STXBP4: variants seen among roughly 807,000 people sequenced by gnomAD.
The protein encoded by STXBP4 is syntaxin binding protein 4.
STXBP4 carries 55 observed loss-of-function variants against 76.1 expected under a neutral mutation model. The observed-to-expected ratio is 0.72, with a 90% confidence interval of 0.58 to 0.91. The LOEUF is 0.91. Among genes scored for constraint, STXBP4 ranks in the 40% least tolerant of loss-of-function variants. The pLI is 0.00. For synonymous variants in STXBP4, 201 were observed against 220.2 expected, an observed-to-expected ratio of 0.91 and a Z score of 0.77; for missense variants, 618 against 636.9, an observed-to-expected ratio of 0.97 and a Z score of 0.32.
At chr17:55,030,108 G>A (rs1020263178) in intron 8 of STXBP4, among the ~76,000 whole-genome samples, 1 of 152,024 alleles carries the variant, frequency 6.6e-6, no homozygotes, top group African/African-American at 2.4e-5. Flanking sequence ...TATAACTGGC[G>A]AACTCAAAAT....
intron 3 of STXBP4, among the ~76,000 whole-genome samples, chr17:54,988,778 G>GA (rs1390863692): frequency 2.6e-5 from 4 of 151,550 alleles, no homozygotes; most frequent in South Asian, 2.1e-4. Flanking sequence ...CTCAAAAAAA[G>GA]AAAAAAAAGA....
intron 1 of STXBP4, among the ~76,000 whole-genome samples, chr17:54,982,474 C>T (rs1356821638): frequency 6.6e-6 from 1 of 151,978 alleles, no homozygotes; most frequent in Admixed American, 6.6e-5. Flanking sequence ...ACCTGTTTGC[C>T]TCTTATGATT....
intron 17 of STXBP4, among the ~76,000 whole-genome samples, chr17:55,153,896 C>G (rs917412636): frequency 1.3e-5 from 2 of 152,040 alleles, no homozygotes; most frequent in Non-Finnish European, 2.9e-5. Context: ...TACTTATTTT[C>G]TGTATTTTAG....
intron 16 of STXBP4, among the ~76,000 whole-genome samples, chr17:55,139,134 AC>A (rs1195164633): frequency 6.6e-6 from 1 of 152,136 alleles, no homozygotes; most frequent in African/African-American, 2.4e-5. Flanking sequence ...GTGAATTAGT[AC>A]CTTTATAAGT....
At chr17:55,018,000 A>C (rs1380536842) in intron 8 of STXBP4, among the ~76,000 whole-genome samples, 1 of 152,094 alleles carries the variant, frequency 6.6e-6, no homozygotes, top group African/African-American at 2.4e-5. Context: ...CCAAAATGTT[A>C]CTGGGGGTCC....
At chr17:55,116,565 A>G (rs1376757769) in intron 16 of STXBP4, among the ~76,000 whole-genome samples, 1 of 151,852 alleles carries the variant, frequency 6.6e-6, no homozygotes, top group Non-Finnish European at 1.5e-5. Context: ...CTTTCTGTCT[A>G]GTGGTTACCC....
chr17:55,173,424 T>G lies in STXBP4; in HGVS notation c.*13513T>G, dbSNP rs1213889919. 1.3e-5 allele frequency: 2 copies of G among 152,254 alleles called. No individual in the cohort carries two copies. Among genetic ancestry groups the G allele is most frequent in the African/African-American group, 4.8e-5 (2 of 41,468 alleles). 9.4% of individuals were successfully genotyped at this position (152,254 alleles called of 1,614,324 possible). On this transcript the variant is annotated 3_prime_UTR_variant, in exon 18 of 18. Transcript: ENST00000376352. ...ATATCATATAAATAATCATGTATTA[T>G]GTAACATTCTGAGACAGGCTTCTTT...
In STXBP4 at chr17:55,164,147, T is replaced by C. The variant is rs557814436; in HGVS notation, c.*4236T>C. 1.3e-4 allele frequency: 20 copies of C among 152,356 alleles called. 1 individual carries two copies. The South Asian group carries it at 4.1e-3, about 32-fold the overall frequency. 9.4% of individuals were successfully genotyped at this position (152,356 alleles called of 1,614,324 possible). A position where few individuals can be genotyped will look rare whatever the true frequency, so the allele number is the denominator to read the frequency against. Reference sequence around the variant, plus strand: ...CTTAAACAGAATGTGCCTGTGGAGCTTCGCTTTAGAAATGAAATACCCAAG... The same window carrying C: ...CTTAAACAGAATGTGCCTGTGGAGCCTCGCTTTAGAAATGAAATACCCAAG... On this transcript the variant is annotated 3_prime_UTR_variant, in exon 18 of 18. Coordinates refer to ENST00000376352, the MANE Select transcript of STXBP4 (RefSeq NM_178509.6).
intron 4 of STXBP4, among the ~76,000 whole-genome samples, chr17:54,995,134 C>G (rs1389574067): frequency 6.6e-6 from 1 of 152,208 alleles, no homozygotes; most frequent in Non-Finnish European, 1.5e-5. Context: ...TTAGTCCCCA[C>G]TGTGGTGCCT....
intron 16 of STXBP4, among the ~76,000 whole-genome samples, chr17:55,121,889 TTTTACGCCCCCAAG>T (rs1320687083): frequency 2.6e-5 from 4 of 152,176 alleles, no homozygotes; most frequent in Admixed American, 6.6e-5. Context: ...ACTGGGGGCT[TTTTACGCCCCCAAG>T]ACGAAATGTG....
rs1015797496 is a variant in STXBP4 at position 55,170,032 on chromosome 17, T to G, written c.*10121T>G. ...AAGTATTTTTAAAACACAGTAATTATGTTAGTGCAGGTACATGACATAGAT... is the reference window on the plus strand; with the variant it reads ...AAGTATTTTTAAAACACAGTAATTAGGTTAGTGCAGGTACATGACATAGAT... On this transcript the variant is annotated 3_prime_UTR_variant, in exon 18 of 18. Coordinates refer to ENST00000376352, the MANE Select transcript of STXBP4 (RefSeq NM_178509.6). The G allele has an allele frequency of 6.6e-6, 1 of 152,240 alleles. No individual in the cohort carries two copies. Among genetic ancestry groups the G allele is most frequent in the Non-Finnish European group, 1.5e-5 (1 of 68,034 alleles). 9.4% of individuals were successfully genotyped at this position (152,240 alleles called of 1,614,324 possible).
intron 1 of STXBP4, among the ~76,000 whole-genome samples, chr17:54,981,910 A>G (rs993196482): frequency 2.0e-5 from 3 of 152,228 alleles, no homozygotes; most frequent in Non-Finnish European, 4.4e-5. Flanking sequence ...AAGATACTGA[A>G]TGGTTCTTAA....
chr17:54,971,943 A>G (rs1341349113), intron 1 of STXBP4, among the ~76,000 whole-genome samples: 1 of 152,008 alleles, frequency 6.6e-6, no homozygotes, highest in African/African-American at 2.4e-5. Context: ...TGACTTTGAC[A>G]TTTTTGAGGA....
At chr17:55,129,672 T>A (rs1444152926) in intron 16 of STXBP4, among the ~76,000 whole-genome samples, 1 of 152,186 alleles carries the variant, frequency 6.6e-6, no homozygotes, top group Non-Finnish European at 1.5e-5. Context: ...CTTTGAAATA[T>A]TTTTCTTAGT....
chr17:55,199,259 A>G, the STXBP4 span, among the ~76,000 whole-genome samples: 1 of 152,236 alleles, frequency 6.6e-6, no homozygotes, highest in Non-Finnish European at 1.5e-5. Context: ...AAAATTTTAA[A>G]ACAGAAAGCA....
At chr17:55,211,873 C>T in the STXBP4 span, among the ~76,000 whole-genome samples, 9 of 121,934 alleles carry the variant, frequency 7.4e-5, no homozygotes, top group Admixed American at 5.7e-4. Context: ...TGCAGTGGTG[C>T]GATCTTGGCT....
chr17:55,005,457 A>G (rs941959136), intron 7 of STXBP4, among the ~76,000 whole-genome samples: 1 of 152,208 alleles, frequency 6.6e-6, no homozygotes, highest in Admixed American at 6.5e-5. Flanking sequence ...ATATAGGTAC[A>G]TAGTTTACTG....
At chr17:55,095,029 A>G (rs17745654) in intron 16 of STXBP4, among the ~76,000 whole-genome samples, 30,535 of 152,140 alleles carry the variant, frequency 0.2, 3,361 homozygotes, top group Middle Eastern at 0.36. Context: ...CAGCTAGACA[A>G]GCAAGACTTA....
At chr17:54,999,104 A>G (rs949852056) in intron 4 of STXBP4, among the ~76,000 whole-genome samples, 2 of 152,106 alleles carry the variant, frequency 1.3e-5, no homozygotes, top group African/African-American at 2.4e-5. Flanking sequence ...CTACCATATT[A>G]AGAATTCTTT....
Sources: gnomAD v4.1 joint callset for allele counts (sites outside exome capture counted in the v4.1 genomes callset) on GRCh38, gnomAD v4.1.1 for gene constraint, MANE v1.5 for transcripts, NCBI Gene and HGNC (gene_info 2026-07-23, HGNC 2026-07-21) for gene names.